The following ITK variants were observed in gnomAD, a reference collection of about 807,000 sequenced individuals.
ITK encodes the protein IL2 inducible T cell kinase.
In ITK, 45 loss-of-function variants were observed where a neutral mutation model predicts 87.6. That is an observed-to-expected ratio of 0.51 (90% CI 0.40 to 0.66). The LOEUF (loss-of-function observed/expected upper bound fraction) is 0.66, where lower values mean the gene tolerates loss of function less well. ITK is among the 30% of genes least tolerant of loss of function. The pLI is 0.00. For synonymous variants in ITK, 303 were observed against 273.6 expected (o/e 1.11, Z -1.06); for missense variants, 605 against 766.3 (o/e 0.79, Z 2.48).
At chr5:157,227,203 A>G (rs1754549578) in intron 6 of ITK, among the ~76,000 whole-genome samples, 1 of 152,126 alleles carries the variant, frequency 6.6e-6, no homozygotes, top group Non-Finnish European at 1.5e-5. Context: ...TAAGCCCTTC[A>G]TTTGACGGGT....
chr5:157,246,555 A>G (rs1755023140), intron 15 of ITK, among the ~76,000 whole-genome samples: 1 of 152,146 alleles, frequency 6.6e-6, no homozygotes, highest in South Asian at 2.1e-4. Flanking sequence ...AATAATAAAC[A>G]AGCTAAGGGA....
In ITK at chr5:157,228,361, A is replaced by C. The variant is rs1754579589; in HGVS notation, c.713A>C (p.Glu238Ala). Residue 238 changes from glutamate (E) to alanine (A), a missense_variant and splice_region_variant, in exon 7 of 17, where the codon GAG becomes GCG. Glu to Ala is a moderately radical substitution (Grantham distance 107, BLOSUM62 -1). Transcript: ENST00000422843. ...TCTCCAAATAATCTGGAAACCTATGAGTAAGATATTTTATTTGTTTTTGGA... is the reference window on the plus strand; with the variant it reads ...TCTCCAAATAATCTGGAAACCTATGCGTAAGATATTTTATTTGTTTTTGGA... ...EKSPNNLETY[E>A]WYNKSISRDK... 1 of 1,565,610 alleles carries C rather than the reference A, an allele frequency of 6.4e-7. No individual in the cohort carries two copies. The highest frequency in any genetic ancestry group is 1.4e-5 in the African/African-American group (1 of 74,028).
At chr5:157,248,798 T>C (rs1755072761) in intron 15 of ITK, 52 bp from the exon 16 acceptor site, 1 of 1,610,204 alleles carries the variant, frequency 6.2e-7, no homozygotes. Flanking sequence ...TTGGTTTGTT[T>C]GCTGTCTGTG....
chr5:157,222,755 A>G, intron 5 of ITK, 108 bp from the exon 6 acceptor site: 1 of 1,059,396 alleles, frequency 9.4e-7, no homozygotes, highest in Non-Finnish European at 1.5e-6. Context: ...ACTCATAAAG[A>G]AAGTCTACCA....
At chr5:157,231,102 G>A (rs1403128250) in intron 7 of ITK, among the ~76,000 whole-genome samples, 2 of 152,136 alleles carry the variant, frequency 1.3e-5, no homozygotes, top group African/African-American at 4.8e-5. Context: ...TGTACCACCT[G>A]GTAACATAGT....
At chr5:157,235,254 C>A (rs1482227614) in intron 8 of ITK, among the ~76,000 whole-genome samples, 5 of 152,166 alleles carry the variant, frequency 3.3e-5, no homozygotes, top group Non-Finnish European at 7.4e-5. Flanking sequence ...CCAGTCAGAA[C>A]CTCAAGAGGT....
At position 157,232,383 on chromosome 5, in the gene ITK, CT is replaced by C; in HGVS notation, c.761del (p.Leu254TrpfsTer11). 1.2e-6 allele frequency: 2 copies of C among 1,607,406 alleles called. No homozygotes were observed. Among genetic ancestry groups the C allele is most frequent in the Non-Finnish European group, 1.7e-6 (2 of 1,174,378 alleles). On this transcript the variant is annotated frameshift_variant, in exon 8 of 17. Transcript: ENST00000422843. LOFTEE classifies it high-confidence loss of function. ...SISRDKAEKL[L>X]LDTGKEGAFM... ...CAGCCGAGACAAAGCTGAAAAACTT[CT>C]TTTGGACACAGTAAGTCTCCTTAAC...
At chr5:157,223,870 A>G (rs1295827330) in intron 6 of ITK, among the ~76,000 whole-genome samples, 1 of 152,262 alleles carries the variant, frequency 6.6e-6, no homozygotes, top group Admixed American at 6.5e-5. Flanking sequence ...AGTATAAAAA[A>G]GAAAACTGTC....
chr5:157,204,137 A>G (rs1430727022), intron 1 of ITK, among the ~76,000 whole-genome samples: 1 of 152,186 alleles, frequency 6.6e-6, no homozygotes, highest in Non-Finnish European at 1.5e-5. Context: ...CACCCTCCCA[A>G]GTAGCTGGGA....
At chr5:157,183,993 T>C (rs1007121685) in intron 1 of ITK, among the ~76,000 whole-genome samples, 1 of 152,228 alleles carries the variant, frequency 6.6e-6, no homozygotes, top group Non-Finnish European at 1.5e-5. Flanking sequence ...TGGTGTTCGA[T>C]GCCTGTTTTT....
chr5:157,230,636 A>G (rs1181034262), intron 7 of ITK, among the ~76,000 whole-genome samples: 3 of 152,234 alleles, frequency 2.0e-5, no homozygotes, highest in Non-Finnish European at 4.4e-5. Context: ...AATAAAATAA[A>G]AAATCTTTAT....
In ITK at chr5:157,199,089, T is replaced by A. The variant is rs1580879463; in HGVS notation, c.139-9800T>A. ...ATTTGCTAGTAGGTTTATGTAATTT[T>A]AAAAAATTCTCTTAATTAACTTAAT... is the stretch of plus-strand genomic sequence containing the variant. On this transcript the variant is annotated intron_variant, in intron 1 of 16. Transcript: ENST00000422843. Among the ~76,000 whole-genome samples, 3 of 152,324 alleles carry A rather than the reference T, an allele frequency of 2.0e-5. 1 individual carries two copies. The highest frequency in any genetic ancestry group is 2.4e-5 in the African/African-American group (1 of 41,574).
intron 8 of ITK, among the ~76,000 whole-genome samples, chr5:157,234,882 A>G (rs754105613): frequency 3.9e-5 from 6 of 152,170 alleles, no homozygotes; most frequent in Non-Finnish European, 8.8e-5. Flanking sequence ...ATGTATACCC[A>G]TGTAACAAAC....
chr5:157,209,016 T>G lies in ITK; in HGVS notation c.243+23T>G, dbSNP rs114002683. On this transcript the variant is annotated intron_variant, in intron 2 of 16. Coordinates refer to ENST00000422843, the MANE Select transcript of ITK (RefSeq NM_005546.4). The stretch of plus-strand genomic sequence containing the variant: ...CAGGTAAGTCCATCAGGTGGGTAGT[T>G]CCCCATTCCCTGGACTGTGGTTAAA... 2.5e-3 allele frequency: 3,640 copies of G among 1,456,854 alleles called. 73 individuals are homozygous for G. The African/African-American group carries it at 0.043, about 17-fold the overall frequency. 90.2% of individuals were successfully genotyped at this position (1,456,854 alleles called of 1,614,324 possible). A position where few individuals can be genotyped will look rare whatever the true frequency, so the allele number is the denominator to read the frequency against.
intron 16 of ITK, among the ~76,000 whole-genome samples, chr5:157,249,375 T>C (rs1755094745): frequency 6.6e-6 from 1 of 152,248 alleles, no homozygotes; most frequent in Non-Finnish European, 1.5e-5. Context: ...GGGAACAAAG[T>C]TCACTTGCAC....
At chr5:157,226,080 G>A (rs1043321993) in intron 6 of ITK, among the ~76,000 whole-genome samples, 6 of 152,180 alleles carry the variant, frequency 3.9e-5, no homozygotes, top group African/African-American at 1.4e-4. Context: ...GGGAGACAGA[G>A]GACTTGGACT....
rs764110831 is a variant in ITK, at chr5:157,240,145, T to C, written c.935T>C (p.Val312Ala). 2.5e-6 allele frequency: 4 copies of C among 1,614,022 alleles called. No individual in the cohort carries two copies. Among genetic ancestry groups the C allele is most frequent in the Non-Finnish European group, 3.4e-6 (4 of 1,179,892 alleles). Residue 312 changes from valine to alanine, a missense_variant, in exon 10 of 17, where the codon GTG becomes GCG. Val to Ala is a moderately conservative substitution (Grantham distance 64). This residue lies in a region of ITK where 464 missense variants were observed against 578.0 expected (regional missense o/e 0.80). Coordinates refer to ENST00000422843, the MANE Select transcript of ITK (RefSeq NM_005546.4). ...CGATACTATGTGGCTGAAAAGTATG[T>C]GTTCGATTCCATCCCTCTTCTCATC... The part of the protein sequence containing the change: ...PKRYYVAEKY[V>A]FDSIPLLINY...
chr5:157,220,223 G>C (rs1349804924), intron 5 of ITK, among the ~76,000 whole-genome samples: 1 of 152,132 alleles, frequency 6.6e-6, no homozygotes, highest in Non-Finnish European at 1.5e-5. Flanking sequence ...TTGGGGGATG[G>C]CTATTTTGGT....
At chr5:157,239,863 C>T (rs1297704309) in intron 9 of ITK, among the ~76,000 whole-genome samples, 199 bp from the exon 10 acceptor site, 1 of 152,188 alleles carries the variant, frequency 6.6e-6, no homozygotes, top group East Asian at 1.9e-4. Context: ...TGGGTCCAGA[C>T]ACAACCTCAG....
Sources: gnomAD v4.1 joint callset for allele counts (sites outside exome capture counted in the v4.1 genomes callset) on GRCh38, gnomAD v4.1.1 for gene constraint, gnomAD v4.1.1 regional missense constraint, MANE v1.5 for transcripts, NCBI Gene and HGNC (gene_info 2026-07-23, HGNC 2026-07-21) for gene names.